The following RASEF variants were observed in gnomAD, a reference collection of about 807,000 sequenced individuals.
The protein encoded by RASEF is RAS and EF-hand domain containing.
A neutral mutation model predicts 90.1 loss-of-function variants in RASEF; 68 were observed. The ratio of observed to expected loss-of-function variants is 0.75; its 90% CI spans 0.62 to 0.92. RASEF has a LOEUF of 0.92. RASEF is among the 40% of genes least tolerant of loss of function. The probability of loss-of-function intolerance (pLI) is 0.00; values close to 1 mark genes in which losing one functional copy is unlikely to be tolerated. For synonymous variants in RASEF, 331 were observed against 345.2 expected (o/e 0.96, Z 0.46); for missense variants, 949 against 937.2 (o/e 1.01, Z -0.16).
chr9:83,140,058 A>C, the RASEF span, among the ~76,000 whole-genome samples: 2 of 152,172 alleles, frequency 1.3e-5, no homozygotes, highest in South Asian at 4.1e-4. Flanking sequence ...CAGTGAGCTC[A>C]TATATGGTTC....
At chr9:83,035,144 C>T (rs73469466) in intron 1 of RASEF, among the ~76,000 whole-genome samples, 3,458 of 152,266 alleles carry the variant, frequency 0.023, 138 homozygotes, top group African/African-American at 0.078. Context: ...CAAGGTCAGT[C>T]TGCAAAAGTT....
chr9:83,126,937 G>A, the RASEF span, among the ~76,000 whole-genome samples: 1 of 152,112 alleles, frequency 6.6e-6, no homozygotes, highest in Non-Finnish European at 1.5e-5. Context: ...TTGCAGAAAA[G>A]TTTTAGATCT....
chr9:83,216,602 G>T, the RASEF span, among the ~76,000 whole-genome samples: 1 of 152,322 alleles, frequency 6.6e-6, no homozygotes, highest in East Asian at 1.9e-4. Context: ...TGCTGGAGGA[G>T]CAGGGCCCTC....
At chr9:83,131,657 T>G in the RASEF span, among the ~76,000 whole-genome samples, 1 of 152,188 alleles carries the variant, frequency 6.6e-6, no homozygotes. Context: ...TCTCTTCCAG[T>G]CTAGCTATAT....
chr9:83,071,210 G>A, the RASEF span, among the ~76,000 whole-genome samples: 1 of 152,186 alleles, frequency 6.6e-6, no homozygotes, highest in East Asian at 1.9e-4. Context: ...AGTCACAGGG[G>A]ATGGGGAGGA....
At chr9:83,011,138 G>A (rs1468992262) in intron 5 of RASEF, among the ~76,000 whole-genome samples, 1 of 152,072 alleles carries the variant, frequency 6.6e-6, no homozygotes, top group Non-Finnish European at 1.5e-5. Context: ...GCCGAAATGA[G>A]GATGAAACCC....
At chr9:83,019,331 A>G (rs1317101595) in intron 3 of RASEF, among the ~76,000 whole-genome samples, 1 of 152,004 alleles carries the variant, frequency 6.6e-6, no homozygotes, top group Admixed American at 6.6e-5. Flanking sequence ...AGCAAAAAAT[A>G]TATATATATA....
the RASEF span, among the ~76,000 whole-genome samples, chr9:83,198,217 T>G: frequency 1.3e-4 from 20 of 152,270 alleles, no homozygotes; most frequent in Non-Finnish European, 2.5e-4. Flanking sequence ...AATTTAGAAA[T>G]AAGAAGGCAC....
the RASEF span, among the ~76,000 whole-genome samples, chr9:83,126,650 T>A: frequency 6.6e-6 from 1 of 152,222 alleles, no homozygotes; most frequent in Non-Finnish European, 1.5e-5. Context: ...CCACTTTCCC[T>A]GGGAGGACTC....
the RASEF span, among the ~76,000 whole-genome samples, chr9:83,119,434 C>G: frequency 1.3e-5 from 2 of 152,138 alleles, no homozygotes; most frequent in African/African-American, 4.8e-5. Flanking sequence ...AAAGCTTTAT[C>G]AGAGGACCCT....
chr9:83,136,595 T>A, the RASEF span, among the ~76,000 whole-genome samples: 1 of 152,114 alleles, frequency 6.6e-6, no homozygotes, highest in Non-Finnish European at 1.5e-5. Flanking sequence ...ACGACCTCAC[T>A]GGTATTGTAT....
chr9:83,048,697 C>A, intron 1 of RASEF: 1 of 985,300 alleles, frequency 1.0e-6, no homozygotes, highest in Non-Finnish European at 1.2e-6. Flanking sequence ...TAGTGTTATG[C>A]CCTCAATTTA....
chr9:83,068,023 C>A (rs536171355), upstream of RASEF, among the ~76,000 whole-genome samples: 8 of 152,234 alleles, frequency 5.3e-5, no homozygotes, highest in African/African-American at 1.9e-4. Flanking sequence ...ACTACAGGCA[C>A]GCACCACTAC....
At chr9:83,091,999 A>ATTTTTTTTTTTTT in the RASEF span, among the ~76,000 whole-genome samples, 1 of 17,238 alleles carries the variant, frequency 5.8e-5, no homozygotes, top group African/African-American at 2.4e-4. Flanking sequence ...TTTTTCTTTT[A>ATTTTTTTTTTTTT]TTTCTTTTTT....
chr9:82,997,142 C>A lies in RASEF; in HGVS notation c.1806-16G>T, dbSNP rs748562847. On this transcript the variant is annotated splice_polypyrimidine_tract_variant and intron_variant, in intron 13 of 16. Transcript: ENST00000376447. ...ACTTCTGAATCTGAGAAAGAGAAAACCACATCATCAGTCAGTTTGTGTTGC... is the reference window on the plus strand; with the variant it reads ...ACTTCTGAATCTGAGAAAGAGAAAAACACATCATCAGTCAGTTTGTGTTGC... The A allele has an allele frequency of 6.8e-7, 1 of 1,474,142 alleles. No homozygotes were observed. Among genetic ancestry groups the A allele is most frequent in the Non-Finnish European group, 9.5e-7 (1 of 1,052,532 alleles). 91.3% of individuals were successfully genotyped at this position (1,474,142 alleles called of 1,614,324 possible).
Position 82,980,391 on chromosome 9 carries a change from T to C in RASEF, c.*2286A>G, listed in dbSNP as rs1243317544. 3.3e-5 allele frequency: 5 copies of C among 152,224 alleles called. No individual in the cohort carries two copies. The highest frequency in any genetic ancestry group is 1.2e-4 in the African/African-American group (5 of 41,462). The allele number at this position is 152,224 out of a possible 1,614,324, so 9.4% of individuals were successfully genotyped here. A position where few individuals can be genotyped will look rare whatever the true frequency, so the allele number is the denominator to read the frequency against. On this transcript the variant is annotated 3_prime_UTR_variant, in exon 17 of 17. Transcript: ENST00000376447. ...ATTGCTAACCAGAGCTCTAAGTCTC[T>C]AATTTGGATTATGTTACCAAAATAT...
At chr9:83,097,767 A>T in the RASEF span, among the ~76,000 whole-genome samples, 1 of 152,106 alleles carries the variant, frequency 6.6e-6, no homozygotes, top group East Asian at 1.9e-4. Flanking sequence ...CACAGAGGAC[A>T]GGGCAATAAA....
At chr9:83,184,125 A>G in the RASEF span, among the ~76,000 whole-genome samples, 24,564 of 152,184 alleles carry the variant, frequency 0.16, 2,462 homozygotes, top group East Asian at 0.29. Context: ...CTTGGCCACA[A>G]GTCAATGGGG....
At chr9:83,126,215 G>T in the RASEF span, among the ~76,000 whole-genome samples, 4 of 152,088 alleles carry the variant, frequency 2.6e-5, no homozygotes, top group Non-Finnish European at 5.9e-5. Flanking sequence ...AGAGTTTTTC[G>T]GAGGTAATTA....
Sources: allele counts gnomAD v4.1 joint callset (sites outside exome capture counted in the v4.1 genomes callset), GRCh38; gene constraint gnomAD v4.1.1; transcripts MANE v1.5; gene names NCBI Gene and HGNC (gene_info 2026-07-23, HGNC 2026-07-21).